The following KIF1B variants were observed in gnomAD, a reference collection of about 807,000 sequenced individuals.
KIF1B encodes the protein kinesin-like protein KIF1B.
In KIF1B, 76 loss-of-function variants were observed where a neutral mutation model predicts 241.9. The ratio of observed to expected loss-of-function variants is 0.31; its 90% confidence interval spans 0.26 to 0.38. The LOEUF (loss-of-function observed/expected upper bound fraction) is 0.38, where lower values mean the gene tolerates loss of function less well. KIF1B is among the 10% of genes least tolerant of loss of function. The pLI is 1.00. For synonymous variants in KIF1B, 750 were observed against 796.7 expected, an observed-to-expected ratio of 0.94 and a Z score of 0.99; for missense variants, 1,622 against 2,271.4, an observed-to-expected ratio of 0.71 and a Z score of 5.81.
At position 10,368,497 on chromosome 1, in the gene KIF1B, A is replaced by G. The variant is rs1292650402; in HGVS notation, c.4783A>G (p.Arg1595Gly). Residue 1595 changes from arginine to glycine, a missense_variant, in exon 44 of 49, where the codon AGA becomes GGA. By Grantham distance (125) the Arg-to-Gly change is moderately radical (BLOSUM62 -2). Around this residue, in one of 7 missense-constraint regions of KIF1B, gnomAD observed 357 missense variants for 409.0 expected, o/e 0.87. Coordinates refer to ENST00000676179, the MANE Select transcript of KIF1B (RefSeq NM_001365951.3). ...GCAACTTCTCACCCACACTTTCAAC[A>G]GAGAATTCAGCCAGGTGCACGGCAG... ...CLQLLTHTFN[R>G]EFSQVHGSVS... 6.2e-7 allele frequency: 1 copy of G among 1,614,014 alleles called. No homozygotes were observed. The highest frequency in any genetic ancestry group is 1.3e-5 in the African/African-American group (1 of 74,930).
chr1:10,265,242 TTATTTA>T (rs1207060134), intron 5 of KIF1B, among the ~76,000 whole-genome samples: 1,688 of 124,916 alleles, frequency 0.014, 42 homozygotes, highest in African/African-American at 0.046. Context: ...ATTTATTTAT[TTATTTA>T]TTTTTAGAGA....
intron 22 of KIF1B, among the ~76,000 whole-genome samples, chr1:10,311,503 G>A (rs912859501): frequency 3.3e-5 from 5 of 151,166 alleles, no homozygotes; most frequent in East Asian, 3.9e-4. Flanking sequence ...GTGAGCCACC[G>A]CTCCAGGCCC....
At chr1:10,373,148 A>G (rs1255709553) in intron 45 of KIF1B, among the ~76,000 whole-genome samples, 1 of 148,622 alleles carries the variant, frequency 6.7e-6, no homozygotes, top group East Asian at 2.1e-4. Context: ...TTTAGTAGAG[A>G]TGGGGTTTCA....
intron 13 of KIF1B, chr1:10,278,663 C>T (rs1051154364): frequency 1.7e-5 from 3 of 179,812 alleles, no homozygotes; most frequent in African/African-American, 7.2e-5. Flanking sequence ...AAGTTCAATT[C>T]CTATGAAGTT....
rs1646996891 is a variant in KIF1B at position 10,232,570 on chromosome 1, AT to A, written c.106+137del. The A allele has an allele frequency of 2.9e-6, 2 of 699,818 alleles. 1 individual carries two copies. The highest frequency in any genetic ancestry group is 3.0e-5 in the South Asian group (2 of 65,922). The allele number at this position is 699,818 out of a possible 1,614,324, so 43.4% of individuals were successfully genotyped here. A position where few individuals can be genotyped will look rare whatever the true frequency, so the allele number is the denominator to read the frequency against. On this transcript the variant is annotated intron_variant, in intron 2 of 48. Coordinates refer to ENST00000676179, the MANE Select transcript of KIF1B (RefSeq NM_001365951.3). ...TTTGCTATTCTGAATGATCCATTGA[AT>A]GTATTCCCCTCTGTGGTATTTGCTA...
At chr1:10,340,482 TCTTTAC>T (rs1652351106) in intron 32 of KIF1B, among the ~76,000 whole-genome samples, 1 of 152,254 alleles carries the variant, frequency 6.6e-6, no homozygotes, top group African/African-American at 2.4e-5. Flanking sequence ...TGTAATTTAA[TCTTTAC>T]CTTTATACCA....
chr1:10,322,454 T>TA (rs1651560607), intron 24 of KIF1B, among the ~76,000 whole-genome samples: 1 of 152,308 alleles, frequency 6.6e-6, no homozygotes, highest in African/African-American at 2.4e-5. Flanking sequence ...ACTTATAGTG[T>TA]CTGGCATGGT....
intron 22 of KIF1B, chr1:10,306,780 A>G (rs1650852713): frequency 3.0e-6 from 3 of 1,007,352 alleles, no homozygotes; most frequent in Non-Finnish European, 3.6e-6. Flanking sequence ...AAAAAAAAAA[A>G]AAAAGGTAAT....
At chr1:10,224,612 G>C (rs1167180314) in intron 1 of KIF1B, among the ~76,000 whole-genome samples, 1 of 151,774 alleles carries the variant, frequency 6.6e-6, no homozygotes, top group Non-Finnish European at 1.5e-5. Flanking sequence ...TTTTGGTAGA[G>C]AGTGTCTGAA....
At chr1:10,309,178 C>T (rs1650962024) in intron 22 of KIF1B, among the ~76,000 whole-genome samples, 1 of 152,166 alleles carries the variant, frequency 6.6e-6, no homozygotes, top group South Asian at 2.1e-4. Flanking sequence ...TTAAAAACAA[C>T]ATAATCACGC....
intron 15 of KIF1B, among the ~76,000 whole-genome samples, chr1:10,283,353 C>T (rs753961711): frequency 9.9e-5 from 15 of 152,136 alleles, no homozygotes; most frequent in Non-Finnish European, 1.9e-4. Context: ...AGGTTATCTC[C>T]TCCTATGCTG....
intron 1 of KIF1B, among the ~76,000 whole-genome samples, chr1:10,213,701 C>G (rs747470219): frequency 2.6e-5 from 4 of 152,086 alleles, no homozygotes; most frequent in Non-Finnish European, 5.9e-5. Context: ...GAAAGATGGC[C>G]TCGTTTGAAC....
At chr1:10,257,378 G>T (rs1438575997) in intron 3 of KIF1B, among the ~76,000 whole-genome samples, 2 of 151,312 alleles carry the variant, frequency 1.3e-5, no homozygotes, top group Admixed American at 6.6e-5. Context: ...GGAGGCTGAG[G>T]CAGGTGAACT....
At chr1:10,357,095 G>C (rs907632659) in intron 38 of KIF1B, among the ~76,000 whole-genome samples, 1 of 152,046 alleles carries the variant, frequency 6.6e-6, no homozygotes, top group Non-Finnish European at 1.5e-5. Flanking sequence ...GCCCACGCTG[G>C]CCTCAAATTC....
At chr1:10,341,123 C>T (rs1280460692) in intron 32 of KIF1B, among the ~76,000 whole-genome samples, 3 of 152,130 alleles carry the variant, frequency 2.0e-5, no homozygotes, top group South Asian at 2.1e-4. Flanking sequence ...CAGTGAGCTT[C>T]GAATTACGAT....
intron 38 of KIF1B, 24 bp downstream of exon 38, chr1:10,352,760 A>G: frequency 1.3e-6 from 2 of 1,549,072 alleles, no homozygotes; most frequent in East Asian, 2.2e-5. Flanking sequence ...AGCAGTGTGA[A>G]GAAGTCCACA....
chr1:10,242,472 T>C (rs543449410), intron 2 of KIF1B, among the ~76,000 whole-genome samples: 1 of 152,320 alleles, frequency 6.6e-6, no homozygotes, highest in East Asian at 1.9e-4. Flanking sequence ...TAAACATATC[T>C]AACCATAGAA....
At chr1:10,302,741 T>A (rs1003831917) in intron 22 of KIF1B, among the ~76,000 whole-genome samples, 1 of 152,046 alleles carries the variant, frequency 6.6e-6, no homozygotes, top group Non-Finnish European at 1.5e-5. Context: ...TCTGCATGGG[T>A]TGTTAGCATG....
At chr1:10,333,870 C>T (rs751987988) in intron 27 of KIF1B, among the ~76,000 whole-genome samples, 3 of 149,554 alleles carry the variant, frequency 2.0e-5, no homozygotes, top group Non-Finnish European at 4.5e-5. Context: ...AGGTTAAGCT[C>T]GCCTGGGCAC....
Sources: allele counts gnomAD v4.1 joint callset (sites outside exome capture counted in the v4.1 genomes callset), GRCh38; gene constraint gnomAD v4.1.1; regional missense constraint gnomAD v4.1.1; transcripts MANE v1.5; gene names NCBI Gene and HGNC (gene_info 2026-07-23, HGNC 2026-07-21).